Variants in CACNA2D1 observed in about 807,000 individuals in gnomAD.
The protein encoded by CACNA2D1 is voltage-dependent calcium channel subunit alpha-2/delta-1.
A neutral mutation model predicts 171.5 loss-of-function variants in CACNA2D1; 53 were observed. The observed-to-expected ratio is 0.31, with a 90% CI of 0.25 to 0.39. CACNA2D1 has a LOEUF of 0.39. Among genes scored for constraint, CACNA2D1 ranks in the 10% least tolerant of loss-of-function variants. The pLI is 1.00. For missense variants in CACNA2D1, 903 were observed against 1,299.8 expected (o/e 0.69, Z 4.69); for synonymous variants, 442 against 443.1 (o/e 1.00, Z 0.03).
chr7:82,186,580 C>T lies in CACNA2D1; in HGVS notation c.295-15971G>A, dbSNP rs78972210. On this transcript the variant is annotated intron_variant, in intron 3 of 38. Transcript: ENST00000356860. ...AAACACCCCAGACCTGACAGAGGTA[C>T]GAGGGCGTTACCATGTATACAGATA... Among the ~76,000 whole-genome samples, 613 of 152,150 alleles carry T rather than the reference C, an allele frequency of 4.0e-3. 11 individuals carry two copies. The East Asian group carries it at 0.063, about 16-fold the overall frequency.
chr7:82,204,956 T>C (rs1799860982), intron 3 of CACNA2D1, among the ~76,000 whole-genome samples: 1 of 152,174 alleles, frequency 6.6e-6, no homozygotes, highest in Non-Finnish European at 1.5e-5. Context: ...TGAGGTGCAT[T>C]AGGTGATCAC....
intron 1 of CACNA2D1, among the ~76,000 whole-genome samples, chr7:82,405,803 C>T (rs967670727): frequency 6.6e-6 from 1 of 152,098 alleles, no homozygotes; most frequent in African/African-American, 2.4e-5. Context: ...GCCTGTGCTA[C>T]ATACAAAAAG....
chr7:82,122,693 T>G (rs1789877671), intron 5 of CACNA2D1, among the ~76,000 whole-genome samples: 1 of 152,184 alleles, frequency 6.6e-6, no homozygotes, highest in Non-Finnish European at 1.5e-5. Flanking sequence ...TATCTTCTGC[T>G]CAAGGATTGT....
intron 3 of CACNA2D1, among the ~76,000 whole-genome samples, chr7:82,314,233 C>T (rs1193418627): frequency 6.6e-6 from 1 of 152,044 alleles, no homozygotes; most frequent in Non-Finnish European, 1.5e-5. Flanking sequence ...GCCATCTTAG[C>T]TCAGTTGAAA....
In CACNA2D1 at chr7:82,335,158, T is replaced by G; in HGVS notation, c.271A>C (p.Ser91Arg). The G allele has an allele frequency of 6.2e-7, 1 of 1,610,178 alleles. No individual in the cohort carries two copies. The highest frequency in any genetic ancestry group is 8.5e-7 in the Non-Finnish European group (1 of 1,176,516). ...IAARDIEKLL[S>R]NRSKALVRLA... ...ACCACCAGGGCTTTAGATCTGTTGC[T>G]CAGAAGTTTCTCAATATCCCTGGCT... Residue 91 changes from serine (S) to arginine (R), a missense_variant, in exon 3 of 39, where the codon AGC (serine) becomes CGC (arginine). Ser to Arg is a moderately radical substitution (Grantham distance 110). Coordinates refer to ENST00000356860, the MANE Select transcript of CACNA2D1 (RefSeq NM_000722.4).
At chr7:82,320,265 A>T (rs967185627) in intron 3 of CACNA2D1, among the ~76,000 whole-genome samples, 1 of 152,220 alleles carries the variant, frequency 6.6e-6, no homozygotes, top group Non-Finnish European at 1.5e-5. Flanking sequence ...TTAACTTATT[A>T]TACTGAGTCA....
chr7:82,146,966 T>C (rs1045721783), intron 4 of CACNA2D1, among the ~76,000 whole-genome samples: 2 of 104,742 alleles, frequency 1.9e-5, no homozygotes, highest in Admixed American at 1.6e-4. Flanking sequence ...GCCTGGGTGA[T>C]AGCAAGACTC....
chr7:82,360,152 T>C (rs950544161), intron 1 of CACNA2D1, among the ~76,000 whole-genome samples: 2 of 152,204 alleles, frequency 1.3e-5, no homozygotes, highest in Non-Finnish European at 2.9e-5. Flanking sequence ...CACCAGATAG[T>C]AGCCCTCAAC....
At chr7:82,050,143 G>T (rs1430960264) in intron 10 of CACNA2D1, among the ~76,000 whole-genome samples, 3 of 152,124 alleles carry the variant, frequency 2.0e-5, no homozygotes, top group Non-Finnish European at 1.5e-5. Flanking sequence ...CATAGGAAAT[G>T]GAACAATTGA....
chr7:82,416,163 T>C (rs1828142911), intron 1 of CACNA2D1, among the ~76,000 whole-genome samples: 1 of 151,970 alleles, frequency 6.6e-6, no homozygotes, highest in African/African-American at 2.4e-5. Context: ...TGCAGTTAGC[T>C]GAGATCGTGC....
At chr7:82,380,111 T>A (rs890385908) in intron 1 of CACNA2D1, among the ~76,000 whole-genome samples, 1 of 152,170 alleles carries the variant, frequency 6.6e-6, no homozygotes. Flanking sequence ...ATTTTCAAAC[T>A]ATAATTGTCT....
chr7:81,964,090 A>G lies in CACNA2D1; in HGVS notation c.2746T>C (p.Leu916=), dbSNP rs751863558. The change falls in exon 34 of 39, where the codon TTA becomes CTA. Residue 916 remains leucine (L), a synonymous_variant. Transcript: ENST00000356860. ...SAYVPSVADI[L]QIGWWATAAA... ...GCAGTGGCCCACCAGCCAATTTGTA[A>G]TATGTCTGCTACTGATGGCTATAAA... The G allele has an allele frequency of 1.9e-6, 3 of 1,612,124 alleles. No individual in the cohort carries two copies. Among genetic ancestry groups the G allele is most frequent in the Non-Finnish European group, 2.5e-6 (3 of 1,178,928 alleles).
At chr7:82,132,611 G>A (rs984602402) in intron 5 of CACNA2D1, among the ~76,000 whole-genome samples, 4 of 152,100 alleles carry the variant, frequency 2.6e-5, no homozygotes, top group Admixed American at 1.3e-4. Flanking sequence ...CACCGATCTT[G>A]GAGCACAACA....
intron 3 of CACNA2D1, among the ~76,000 whole-genome samples, chr7:82,218,739 A>G (rs922219511): frequency 6.6e-6 from 1 of 152,202 alleles, no homozygotes; most frequent in Non-Finnish European, 1.5e-5. Flanking sequence ...AAGAAATAGA[A>G]GTTTCTTAAA....
intron 10 of CACNA2D1, among the ~76,000 whole-genome samples, chr7:82,052,655 G>A (rs1341986922): frequency 6.6e-6 from 1 of 151,970 alleles, no homozygotes; most frequent in Admixed American, 6.5e-5. Context: ...TATATATAAT[G>A]TGGTTGACAC....
intron 19 of CACNA2D1, 54 bp downstream of exon 19, chr7:81,997,125 G>T: frequency 1.1e-6 from 1 of 945,676 alleles, no homozygotes; most frequent in South Asian, 1.3e-5. Flanking sequence ...TGTAGAATGA[G>T]TGCATACCAG....
chr7:82,208,668 A>C (rs534332347), intron 3 of CACNA2D1, among the ~76,000 whole-genome samples: 1 of 152,300 alleles, frequency 6.6e-6, no homozygotes, highest in Admixed American at 6.5e-5. Flanking sequence ...ATTTATAAGC[A>C]TTCATTATCA....
rs77818379 is a variant in CACNA2D1, at chr7:82,132,437, T to C, written c.396+4198A>G. Among the ~76,000 whole-genome samples the C allele has an allele frequency of 1.9e-3, 293 of 152,318 alleles. 7 individuals are homozygous for C. The East Asian group carries it at 0.039, about 20-fold the overall frequency. On this transcript the variant is annotated intron_variant, in intron 5 of 38. Coordinates refer to ENST00000356860, the MANE Select transcript of CACNA2D1 (RefSeq NM_000722.4). The stretch of plus-strand genomic sequence containing the variant: ...GGGAGGAAAAGTACTCCATATCCTC[T>C]TGCAACAAGGCAAGGCTGGTCACTA...
At chr7:82,405,956 T>C (rs996992492) in intron 1 of CACNA2D1, among the ~76,000 whole-genome samples, 2 of 152,178 alleles carry the variant, frequency 1.3e-5, no homozygotes, top group Admixed American at 1.3e-4. Context: ...TTGTTACATA[T>C]GTATCCACGT....
Sources: gnomAD v4.1 joint callset for allele counts (sites outside exome capture counted in the v4.1 genomes callset) on GRCh38, gnomAD v4.1.1 for gene constraint, MANE v1.5 for transcripts, NCBI Gene and HGNC (gene_info 2026-07-23, HGNC 2026-07-21) for gene names.